Variants in SLC22A15 observed in about 807,000 individuals in gnomAD.
SLC22A15 encodes flipt 1.
In SLC22A15, 45 loss-of-function variants were observed where a neutral mutation model predicts 62.7. That is an observed-to-expected ratio of 0.72 (90% CI 0.56 to 0.92). The LOEUF (loss-of-function observed/expected upper bound fraction) is 0.92, where lower values mean the gene tolerates loss of function less well. SLC22A15 is among the 40% of genes least tolerant of loss of function. The pLI is 0.00. For synonymous variants in SLC22A15, 264 were observed against 267.0 expected, an observed-to-expected ratio of 0.99 and a Z score of 0.11; for missense variants, 622 against 665.6, an observed-to-expected ratio of 0.93 and a Z score of 0.72.
rs1358608363 is a variant in SLC22A15, at chr1:115,976,590, G to A, written c.-38G>A. The A allele has an allele frequency of 1.3e-6, 2 of 1,501,520 alleles. No individual in the cohort carries two copies. The highest frequency in any genetic ancestry group is 1.8e-5 in the Admixed American group (1 of 54,854). The allele number at this position is 1,501,520 out of a possible 1,614,324, so 93.0% of individuals were successfully genotyped here. On this transcript the variant is annotated 5_prime_UTR_variant, in exon 1 of 12. Coordinates refer to ENST00000369503, the MANE Select transcript of SLC22A15 (RefSeq NM_018420.3). ...CTGGGCGGGAGGGCAGCGCCTGAGA[G>A]GGCGGTGGGGTGGCGGGGTTCCTGC...
At chr1:116,062,639 T>A in intron 8 of SLC22A15, 123 bp from the exon 9 acceptor site, 3 of 1,102,646 alleles carry the variant, frequency 2.7e-6, no homozygotes, top group Non-Finnish European at 4.0e-6. Flanking sequence ...TGTATTTGGT[T>A]ACACTATCTC....
intron 1 of SLC22A15, among the ~76,000 whole-genome samples, chr1:115,988,486 CT>C (rs1654987615): frequency 6.6e-6 from 1 of 152,144 alleles, no homozygotes; most frequent in Non-Finnish European, 1.5e-5. Flanking sequence ...CTTTGACTTT[CT>C]ATGACCATAT....
At chr1:116,052,609 G>A (rs1203702220) in intron 8 of SLC22A15, among the ~76,000 whole-genome samples, 1 of 152,230 alleles carries the variant, frequency 6.6e-6, no homozygotes, top group Non-Finnish European at 1.5e-5. Context: ...CTCTTCAAGT[G>A]GGTCCCTGAC....
chr1:116,063,821 A>G (rs1404544759), intron 9 of SLC22A15, among the ~76,000 whole-genome samples: 1 of 152,072 alleles, frequency 6.6e-6, no homozygotes, highest in Non-Finnish European at 1.5e-5. Context: ...ACCATTAATT[A>G]TCATTCTCTC....
chr1:116,044,040 T>TTG (rs1002232908), intron 8 of SLC22A15, among the ~76,000 whole-genome samples: 9 of 152,172 alleles, frequency 5.9e-5, no homozygotes, highest in Admixed American at 3.3e-4. Flanking sequence ...ATAGCATCAA[T>TTG]TGTACACACT....
intron 5 of SLC22A15, 134 bp downstream of exon 5, chr1:116,027,156 C>A: frequency 1.2e-6 from 1 of 802,076 alleles, no homozygotes; most frequent in African/African-American, 1.7e-5. Flanking sequence ...CTAAATTCTG[C>A]AAGTGCTCCA....
chr1:116,013,115 T>G (rs1476989502), intron 2 of SLC22A15, among the ~76,000 whole-genome samples: 1 of 152,172 alleles, frequency 6.6e-6, no homozygotes, highest in African/African-American at 2.4e-5. Context: ...TTAGGTGCAT[T>G]AAATGCATTT....
At chr1:116,012,871 T>C (rs1490782556) in intron 2 of SLC22A15, among the ~76,000 whole-genome samples, 2 of 152,240 alleles carry the variant, frequency 1.3e-5, no homozygotes, top group Non-Finnish European at 2.9e-5. Flanking sequence ...GGAAGGATCC[T>C]CTTTCATGAT....
chr1:116,012,153 G>T (rs1205518901), intron 2 of SLC22A15, among the ~76,000 whole-genome samples: 1 of 152,116 alleles, frequency 6.6e-6, no homozygotes, highest in Non-Finnish European at 1.5e-5. Flanking sequence ...TCCATGAAAT[G>T]TCACTATAAA....
chr1:116,031,928 G>C (rs1473894572), intron 6 of SLC22A15: 2 of 1,083,076 alleles, frequency 1.8e-6, no homozygotes, highest in African/African-American at 3.3e-5. Flanking sequence ...GGTAGAAATA[G>C]ATGAGTTTTT....
intron 4 of SLC22A15, among the ~76,000 whole-genome samples, chr1:116,026,495 T>A (rs916927804): frequency 1.3e-5 from 2 of 151,988 alleles, no homozygotes; most frequent in Non-Finnish European, 2.9e-5. Context: ...GTGATAAAGA[T>A]TAAGTTTCTG....
At chr1:116,032,410 T>C (rs2101446932) in intron 6 of SLC22A15, 1 of 985,394 alleles carries the variant, frequency 1.0e-6, no homozygotes, top group Non-Finnish European at 1.2e-6. Flanking sequence ...ACAGTTGTGC[T>C]GTGGCTTATA....
At chr1:116,033,140 C>A (rs1657486896) in intron 6 of SLC22A15, among the ~76,000 whole-genome samples, 1 of 152,144 alleles carries the variant, frequency 6.6e-6, no homozygotes, top group African/African-American at 2.4e-5. Context: ...ATTCTAAAAT[C>A]TTCTCTGTGG....
rs1658525049 is a variant in SLC22A15, at chr1:116,067,403, A to G, written c.*295A>G. 9.8e-6 allele frequency: 3 copies of G among 306,882 alleles called. No homozygotes were observed. Among genetic ancestry groups the G allele is most frequent in the African/African-American group, 2.1e-5 (1 of 46,542 alleles). The allele number at this position is 306,882 out of a possible 1,614,324, so 19.0% of individuals were successfully genotyped here. ...ACCCACATTCCAAAGTGGTAGGCTC[A>G]TTTGTTTCTAGAGATTTCATCATGT... On this transcript the variant is annotated 3_prime_UTR_variant, in exon 12 of 12. Transcript: ENST00000369503.
intron 8 of SLC22A15, among the ~76,000 whole-genome samples, chr1:116,054,950 C>T (rs1413002297): frequency 1.3e-5 from 2 of 151,864 alleles, no homozygotes; most frequent in Non-Finnish European, 2.9e-5. Flanking sequence ...CGAGAGAAAG[C>T]AGGAAAGATC....
intron 2 of SLC22A15, among the ~76,000 whole-genome samples, 190 bp downstream of exon 2, chr1:115,992,433 C>T (rs1570696584): frequency 6.6e-6 from 1 of 152,192 alleles, no homozygotes; most frequent in Non-Finnish European, 1.5e-5. Context: ...TCTTACTACA[C>T]GTGGGAGAAG....
chr1:115,976,738 C>T (rs767322706), intron 1 of SLC22A15, 24 bp downstream of exon 1: 2 of 1,560,260 alleles, frequency 1.3e-6, no homozygotes, highest in Admixed American at 3.5e-5. Context: ...GCCCCGCAGC[C>T]GCATTTCCCT....
intron 8 of SLC22A15, among the ~76,000 whole-genome samples, chr1:116,042,085 A>T (rs1657803355): frequency 1.2e-5 from 1 of 86,120 alleles, no homozygotes; most frequent in African/African-American, 3.9e-5. Flanking sequence ...CAGCACCCCA[A>T]AAAATAACAT....
At chr1:116,008,260 T>C (rs1656081935) in intron 2 of SLC22A15, among the ~76,000 whole-genome samples, 1 of 152,214 alleles carries the variant, frequency 6.6e-6, no homozygotes, top group African/African-American at 2.4e-5. Context: ...TAGGAAGCGC[T>C]CTTTTCAATC....
Sources: allele counts gnomAD v4.1 joint callset (sites outside exome capture counted in the v4.1 genomes callset), GRCh38; gene constraint gnomAD v4.1.1; transcripts MANE v1.5; gene names NCBI Gene and HGNC (gene_info 2026-07-23, HGNC 2026-07-21).